GPR161: variants seen among roughly 807,000 people sequenced by gnomAD.
GPR161 encodes G protein-coupled receptor 161, also known as G-protein coupled receptor RE2.
A neutral mutation model predicts 39.2 loss-of-function variants in GPR161; 25 were observed. That is an observed-to-expected ratio of 0.64 (90% CI 0.47 to 0.89). GPR161 has a LOEUF of 0.89. Ranked by LOEUF, GPR161 falls within the 40% of genes least tolerant of loss-of-function variation. The pLI, the probability that GPR161 is intolerant of heterozygous loss-of-function variation, is 0.00. For synonymous variants in GPR161, 286 were observed against 276.6 expected (o/e 1.03, Z -0.34); for missense variants, 547 against 677.8 (o/e 0.81, Z 2.14).
Position 168,119,275 on chromosome 1 carries a change from T to TATACATATATATATATGTATAC in GPR161, c.-44-14382_-44-14381insGTATACATATATATATATGTAT, listed in dbSNP as rs1558130238. On this transcript the variant is annotated intron_variant, in intron 1 of 5. Coordinates refer to ENST00000682931, the MANE Select transcript of GPR161 (RefSeq NM_001375883.1). ...ATATATACGTATATATATGTGTATA[T>TATACATATATATATATGTATAC]ATATATATATATACACATATATACA... 9.0e-3 allele frequency among the ~76,000 whole-genome samples: 907 copies of TATACATATATATATATGTATAC among 101,290 alleles called. 93 individuals are homozygous for TATACATATATATATATGTATAC. The highest frequency in any genetic ancestry group is 0.039 in the African/African-American group (820 of 20,772). 66.5% of individuals were successfully genotyped at this position (101,290 alleles called of 152,430 possible). A position where few individuals can be genotyped will look rare whatever the true frequency, so the allele number is the denominator to read the frequency against.
Position 168,097,092 on chromosome 1 carries a change from T to C in GPR161, c.515A>G (p.Asp172Gly). 6.2e-7 allele frequency: 1 copy of C among 1,613,828 alleles called. No individual in the cohort carries two copies. Among genetic ancestry groups the C allele is most frequent in the Non-Finnish European group, 8.5e-7 (1 of 1,179,998 alleles). Residue 172 changes from aspartate to glycine, a missense_variant, in exon 3 of 6, where the codon GAC (aspartate) becomes GGC (glycine). Transcript: ENST00000682931. ...PLFGWSSVEFDEFKWMCVAAW... is the reference protein window; with the variant it reads ...PLFGWSSVEFGEFKWMCVAAW... ...AGCCACACACATCCATTTGAACTCG[T>C]CAAACTCCACGGATGACCAACCAAA... is the stretch of plus-strand genomic sequence containing the variant.
intron 1 of GPR161, among the ~76,000 whole-genome samples, chr1:168,109,014 G>A (rs963641813): frequency 8.5e-5 from 13 of 152,154 alleles, no homozygotes; most frequent in Non-Finnish European, 1.2e-4. Flanking sequence ...GTGATTGGAC[G>A]TATCAGTATG....
At position 168,104,851 on chromosome 1, in the gene GPR161, G is replaced by T. The variant is rs1446642967; in HGVS notation, c.-1C>A. The T allele has an allele frequency of 6.2e-7, 1 of 1,613,628 alleles. No homozygotes were observed. The highest frequency in any genetic ancestry group is 1.1e-5 in the South Asian group (1 of 91,058). ...AGCTGAGGGAGGAGTTGAGGCTCAT[G>T]GTCAGTGCACCTCGGCGTGGGGTGG... On this transcript the variant is annotated 5_prime_UTR_variant, in exon 2 of 6. Transcript: ENST00000682931.
In GPR161 at chr1:168,085,611, C is replaced by T; in HGVS notation, c.1510G>A (p.Gly504Ser). The change falls in exon 6 of 6, where the codon GGC (glycine) becomes AGC (serine). Residue 504 changes from glycine (G) to serine (S), a missense_variant. Transcript: ENST00000682931. ...VPGGGFGGRR[G>S]SRTLVSQRLQ... ...CTCTGGCTCACAAGAGTTCTGCTGCCTCGGCGGCCCCCGAAGCCGCCCCCC... is the reference window on the plus strand; with the variant it reads ...CTCTGGCTCACAAGAGTTCTGCTGCTTCGGCGGCCCCCGAAGCCGCCCCCC... 6.2e-7 allele frequency: 1 copy of T among 1,614,042 alleles called. No individual in the cohort carries two copies. Among genetic ancestry groups the T allele is most frequent in the Non-Finnish European group, 8.5e-7 (1 of 1,179,944 alleles).
At position 168,115,001 on chromosome 1, in the gene GPR161, G is replaced by A. The variant is rs530425101; in HGVS notation, c.-44-10107C>T. 2.2e-4 allele frequency among the ~76,000 whole-genome samples: 33 copies of A among 152,208 alleles called. 1 individual carries two copies. Among genetic ancestry groups the A allele is most frequent in the Admixed American group, 7.8e-4 (12 of 15,290 alleles). On this transcript the variant is annotated intron_variant, in intron 1 of 5. Coordinates refer to ENST00000682931, the MANE Select transcript of GPR161 (RefSeq NM_001375883.1). ...TAGGTCCGGGATTTTGTCCGGAAGC[G>A]TTGGAGGACAGGCTAGCTTACCACA...
In GPR161 at chr1:168,087,717, G is replaced by C. The variant is rs1228553450; in HGVS notation, c.1205-13C>G. 4.4e-6 allele frequency: 7 copies of C among 1,603,054 alleles called. No individual in the cohort carries two copies. Among genetic ancestry groups the C allele is most frequent in the Non-Finnish European group, 6.0e-6 (7 of 1,173,682 alleles). On this transcript the variant is annotated splice_polypyrimidine_tract_variant and intron_variant, in intron 4 of 5. Transcript: ENST00000682931. ...ATCATATCTGTCCCTAAAACAACGG[G>C]CAGATTGTGCATATGTAACTACAAT... is the stretch of plus-strand genomic sequence containing the variant.
chr1:168,110,928 A>G (rs1697118728), intron 1 of GPR161, among the ~76,000 whole-genome samples: 1 of 151,952 alleles, frequency 6.6e-6, no homozygotes, highest in African/African-American at 2.4e-5. Context: ...CTATCTCAAA[A>G]AAAAAAAAAG....
chr1:168,089,198 T>C (rs1244263182), intron 4 of GPR161: 3 of 149,294 alleles, frequency 2.0e-5, no homozygotes, highest in East Asian at 3.9e-4. Flanking sequence ...AACTGCTGAA[T>C]GAATGAATGA....
At position 168,085,520 on chromosome 1, in the gene GPR161, C is replaced by G. The variant is rs769530057; in HGVS notation, c.*11G>C. 3.1e-6 allele frequency: 5 copies of G among 1,603,996 alleles called. No individual in the cohort carries two copies. Among genetic ancestry groups the G allele is most frequent in the Middle Eastern group, 3.3e-4 (2 of 6,040 alleles). On this transcript the variant is annotated 3_prime_UTR_variant, in exon 6 of 6. Coordinates refer to ENST00000682931, the MANE Select transcript of GPR161 (RefSeq NM_001375883.1). ...CCTCTCAGGCTGCAGCCCCACGGCACCCTGAGGCCCTCATCTCTGCTCGGC... is the reference window on the plus strand; with the variant it reads ...CCTCTCAGGCTGCAGCCCCACGGCAGCCTGAGGCCCTCATCTCTGCTCGGC...
Position 168,104,793 on chromosome 1 carries a change from C to T in GPR161, c.58G>A (p.Glu20Lys). ...ATGATGACGCCCCCTTCGCCACCCT[C>T]CTCCTCAGTGAGATTACTCAGCTCC... ...RKELSNLTEE[E>K]GGEGGVIITQ... The change falls in exon 2 of 6, where the codon GAG becomes AAG. Residue 20 changes from glutamate (E) to lysine (K), a missense_variant. Transcript: ENST00000682931. The T allele has an allele frequency of 6.2e-7, 1 of 1,613,900 alleles. No homozygotes were observed. The highest frequency in any genetic ancestry group is 8.5e-7 in the Non-Finnish European group (1 of 1,179,890).
At chr1:168,125,445 G>A (rs1367096204) in intron 1 of GPR161, among the ~76,000 whole-genome samples, 1 of 152,136 alleles carries the variant, frequency 6.6e-6, no homozygotes, top group Non-Finnish European at 1.5e-5. Flanking sequence ...CCATCAGAAA[G>A]GCCAATATAT....
intron 4 of GPR161, chr1:168,088,155 A>G (rs1274209139): frequency 6.5e-6 from 1 of 154,068 alleles, no homozygotes; most frequent in East Asian, 1.9e-4. Context: ...TCCAAAATGT[A>G]GAGTTCTTTG....
At chr1:168,099,085 C>T (rs755604075) in intron 2 of GPR161, among the ~76,000 whole-genome samples, 1 of 152,186 alleles carries the variant, frequency 6.6e-6, no homozygotes, top group African/African-American at 2.4e-5. Context: ...GACTGGCCAT[C>T]GACCTTTCCC....
chr1:168,087,786 A>G, intron 4 of GPR161, 82 bp from the exon 5 acceptor site: 4 of 1,383,210 alleles, frequency 2.9e-6, no homozygotes, highest in Non-Finnish European at 3.9e-6. Flanking sequence ...CACCCCTTCC[A>G]CCCCTCTTCT....
chr1:168,135,983 G>C, intron 1 of GPR161: 1 of 1,174,230 alleles, frequency 8.5e-7, no homozygotes, highest in Non-Finnish European at 1.1e-6. Flanking sequence ...GCAGACCTCC[G>C]GGAAGCACAG....
intron 4 of GPR161, chr1:168,088,411 C>T (rs1694749141): frequency 6.6e-6 from 1 of 152,166 alleles, no homozygotes. Flanking sequence ...CCTTGAAGCT[C>T]AGAAAATAAG....
chr1:168,102,281 G>A (rs1322065226), intron 2 of GPR161, among the ~76,000 whole-genome samples: 1 of 152,188 alleles, frequency 6.6e-6, no homozygotes, highest in Non-Finnish European at 1.5e-5. Context: ...TAGGAACCTA[G>A]CTCAAATGCC....
intron 2 of GPR161, among the ~76,000 whole-genome samples, chr1:168,101,029 A>G (rs1382111828): frequency 6.6e-6 from 1 of 151,858 alleles, no homozygotes; most frequent in Admixed American, 6.6e-5. Flanking sequence ...CCAGGCAGCC[A>G]TTCTTTTTAT....
intron 1 of GPR161, chr1:168,136,240 G>A (rs1156766835): frequency 7.6e-7 from 1 of 1,322,316 alleles, no homozygotes; most frequent in South Asian, 2.0e-5. Context: ...AGTCCCGGCT[G>A]GGAGAAGGCT....
Sources: gnomAD v4.1 joint callset for allele counts (sites outside exome capture counted in the v4.1 genomes callset) on GRCh38, gnomAD v4.1.1 for gene constraint, MANE v1.5 for transcripts, NCBI Gene and HGNC (gene_info 2026-07-23, HGNC 2026-07-21) for gene names.